Variants in ARHGAP29 observed in about 807,000 individuals in gnomAD.
ARHGAP29 encodes Rho GTPase activating protein 29.
In ARHGAP29, 43 loss-of-function variants were observed where a neutral mutation model predicts 122.6. That is an observed-to-expected ratio of 0.35 (90% confidence interval 0.27 to 0.45). The LOEUF is 0.45. Among genes scored for constraint, ARHGAP29 ranks in the 20% least tolerant of loss-of-function variants. ARHGAP29 has a pLI of 1.00. For missense variants in ARHGAP29, 1,303 were observed against 1,477.2 expected (o/e 0.88, Z 1.93); for synonymous variants, 506 against 497.1 (o/e 1.02, Z -0.24).
At chr1:94,192,714 A>G (rs114300389) in intron 12 of ARHGAP29, 2,365 of 152,338 alleles carry the variant, frequency 0.016, 26 homozygotes, top group Non-Finnish European at 0.023. Flanking sequence ...GCCCTGGAGA[A>G]GAGCAGAATA....
intron 1 of ARHGAP29, among the ~76,000 whole-genome samples, chr1:94,262,751 A>G (rs1339616825): frequency 2.0e-5 from 3 of 152,196 alleles, no homozygotes; most frequent in Admixed American, 6.5e-5. Flanking sequence ...CAAAAAAATG[A>G]CAGATGCTGG....
At chr1:94,230,772 T>G (rs182700879) in intron 2 of ARHGAP29, among the ~76,000 whole-genome samples, 36 of 151,950 alleles carry the variant, frequency 2.4e-4, no homozygotes, top group Admixed American at 2.0e-3. Context: ...CCATCAAATT[T>G]AGACCTAAGA....
At chr1:94,247,275 G>A (rs1226172671) in intron 1 of ARHGAP29, among the ~76,000 whole-genome samples, 1 of 151,984 alleles carries the variant, frequency 6.6e-6, no homozygotes, top group African/African-American at 2.4e-5. Flanking sequence ...GCTAGCAAAG[G>A]GAGCGGGGCT....
the ARHGAP29 span, among the ~76,000 whole-genome samples, chr1:94,313,721 C>T: frequency 3.3e-5 from 5 of 152,150 alleles, no homozygotes; most frequent in African/African-American, 9.7e-5. Context: ...GACTTGGAAC[C>T]AACCCAAATG....
chr1:94,191,364 T>C (rs1650123526), intron 12 of ARHGAP29: 1 of 152,194 alleles, frequency 6.6e-6, no homozygotes, highest in African/African-American at 2.4e-5. Flanking sequence ...TTCCTCTTCA[T>C]CTCTCTTGAT....
upstream of ARHGAP29, among the ~76,000 whole-genome samples, chr1:94,275,328 GT>G (rs1161812872): frequency 5.9e-5 from 9 of 152,164 alleles, no homozygotes. Flanking sequence ...AATTGAAATG[GT>G]TTTAGGGATG....
At chr1:94,259,646 A>G (rs1304487902) in intron 1 of ARHGAP29, among the ~76,000 whole-genome samples, 1 of 152,158 alleles carries the variant, frequency 6.6e-6, no homozygotes, top group African/African-American at 2.4e-5. Flanking sequence ...GCCGGCAACC[A>G]TCAGAAACTA....
At position 94,179,898 on chromosome 1, in the gene ARHGAP29, C is replaced by T; in HGVS notation, c.2307G>A (p.Glu769=). 1 of 1,612,974 alleles carries T rather than the reference C, an allele frequency of 6.2e-7. No homozygotes were observed. ...CTTGTTCTTCATTTACATGTTGGATCTCTTTTGCAAGGTCTATAAATTCCT... is the reference window on the plus strand; with the variant it reads ...CTTGTTCTTCATTTACATGTTGGATTTCTTTTGCAAGGTCTATAAATTCCT... The part of the protein sequence containing the change: ...LYKEFIDLAK[E]IQHVNEEQET... The change falls in exon 20 of 23, where the codon GAG becomes GAA. Residue 769 remains glutamate, a synonymous_variant. Coordinates refer to ENST00000260526, the MANE Select transcript of ARHGAP29 (RefSeq NM_004815.4).
Position 94,184,225 on chromosome 1 carries a change from C to T in ARHGAP29, c.2173G>A (p.Gly725Arg). 1 of 1,612,310 alleles carries T rather than the reference C, an allele frequency of 6.2e-7. No homozygotes were observed. The highest frequency in any genetic ancestry group is 1.1e-5 in the South Asian group (1 of 90,636). The change falls in exon 19 of 23, where the codon GGA (glycine) becomes AGA (arginine). Residue 725 changes from glycine to arginine, a missense_variant. Physicochemically the swap from Gly to Arg is moderately radical, Grantham distance 125. Coordinates refer to ENST00000260526, the MANE Select transcript of ARHGAP29 (RefSeq NM_004815.4). Reference protein sequence around the residue: ...TEKLCQALENGMHLVDISEFS... With the variant: ...TEKLCQALENRMHLVDISEFS... Reference sequence around the variant, plus strand: ...TCTGAAATATCTACCAAGTGCATTCCATTTTCCAAAGCTTGACACAATTTT... The same window carrying T: ...TCTGAAATATCTACCAAGTGCATTCTATTTTCCAAAGCTTGACACAATTTT...
At chr1:94,215,930 T>G (rs1651933798) in intron 3 of ARHGAP29, among the ~76,000 whole-genome samples, 1 of 9,058 alleles carries the variant, frequency 1.1e-4, no homozygotes, top group Non-Finnish European at 9.9e-4. Context: ...GTAAAAACGT[T>G]ATTGAAACAA....
At chr1:94,266,204 C>T (rs1654763863) in intron 1 of ARHGAP29, among the ~76,000 whole-genome samples, 1 of 152,142 alleles carries the variant, frequency 6.6e-6, no homozygotes, top group African/African-American at 2.4e-5. Flanking sequence ...AATGGACTGG[C>T]ATGTCCAGAG....
chr1:94,250,040 G>A (rs1038421923), intron 1 of ARHGAP29, among the ~76,000 whole-genome samples: 2 of 151,918 alleles, frequency 1.3e-5, no homozygotes, highest in African/African-American at 4.8e-5. Flanking sequence ...CAACTTGGTT[G>A]TATCTAGTAG....
upstream of ARHGAP29, among the ~76,000 whole-genome samples, chr1:94,241,315 TA>T (rs1473892108): frequency 6.6e-6 from 1 of 152,140 alleles, no homozygotes; most frequent in African/African-American, 2.4e-5. Flanking sequence ...AGATTATCCT[TA>T]AAAGATATAT....
At chr1:94,179,233 C>G (rs1649295285) in intron 20 of ARHGAP29, among the ~76,000 whole-genome samples, 1 of 152,136 alleles carries the variant, frequency 6.6e-6, no homozygotes, top group Admixed American at 6.5e-5. Flanking sequence ...TTCCCTTACA[C>G]AGATTGGAAA....
intron 5 of ARHGAP29, among the ~76,000 whole-genome samples, chr1:94,207,181 G>A (rs905713127): frequency 6.6e-6 from 1 of 151,600 alleles, no homozygotes; most frequent in Non-Finnish European, 1.5e-5. Flanking sequence ...GCTAATATTT[G>A]TATTTTTAGT....
the ARHGAP29 span, among the ~76,000 whole-genome samples, chr1:94,289,903 A>G: frequency 2.6e-4 from 40 of 152,280 alleles, no homozygotes; most frequent in African/African-American, 8.9e-4. Flanking sequence ...CCAGTATTTT[A>G]TTGAGGATTT....
chr1:94,234,250 G>A (rs891113265), intron 1 of ARHGAP29, among the ~76,000 whole-genome samples: 8 of 152,312 alleles, frequency 5.3e-5, no homozygotes, highest in African/African-American at 1.7e-4. Flanking sequence ...AATGCTTGGC[G>A]TATGAGGAAT....
At chr1:94,180,498 TC>T (rs1474334999) in intron 19 of ARHGAP29, among the ~76,000 whole-genome samples, 19 of 152,222 alleles carry the variant, frequency 1.2e-4, no homozygotes, top group Non-Finnish European at 2.8e-4. Flanking sequence ...GCCATTTTGA[TC>T]TGCCCAGTGT....
intron 1 of ARHGAP29, among the ~76,000 whole-genome samples, chr1:94,251,331 G>A (rs922464560): frequency 1.3e-4 from 20 of 151,806 alleles, no homozygotes; most frequent in Admixed American, 6.6e-4. Context: ...CACCACGCCC[G>A]GCTAATTTAT....
Sources: allele counts gnomAD v4.1 joint callset (sites outside exome capture counted in the v4.1 genomes callset), GRCh38; gene constraint gnomAD v4.1.1; transcripts MANE v1.5; gene names NCBI Gene and HGNC (gene_info 2026-07-23, HGNC 2026-07-21).